The following MEST variants were observed in gnomAD, a reference collection of about 807,000 sequenced individuals.
MEST encodes mesoderm-specific transcript homolog protein.
In MEST, 18 loss-of-function variants were observed where a neutral mutation model predicts 50.9. The ratio of observed to expected loss-of-function variants is 0.35; its 90% confidence interval spans 0.24 to 0.52. MEST has a LOEUF of 0.52. MEST is among the 20% of genes least tolerant of loss of function. The probability of loss-of-function intolerance (pLI) is 0.94; values close to 1 mark genes in which losing one functional copy is unlikely to be tolerated. For missense variants in MEST, 282 were observed against 425.3 expected, an observed-to-expected ratio of 0.66 and a Z score of 2.96; for synonymous variants, 130 against 154.1, an observed-to-expected ratio of 0.84 and a Z score of 1.16.
At chr7:130,502,258 A>G (rs993791527) in intron 9 of MEST, among the ~76,000 whole-genome samples, 5 of 152,152 alleles carry the variant, frequency 3.3e-5, no homozygotes, top group Non-Finnish European at 7.4e-5. Flanking sequence ...CAAATGAGGA[A>G]ACCGAGTTGA....
At position 130,492,165 on chromosome 7, in the gene MEST, G is replaced by A. The variant is rs1308241378; in HGVS notation, c.-149G>A. ...GCGCAGTGCCGCAGCGCACGCCGGA[G>A]TGGCTGTAGCTGCCCGGCGCGGCGC... On this transcript the variant is annotated 5_prime_UTR_variant, in exon 1 of 12. It adds an upstream start codon to the 5' untranslated region. Transcript: ENST00000223215. The surrounding 1 kb of genome is among the most constrained non-coding windows in gnomAD (Gnocchi z 7.6). 2.2e-6 allele frequency: 1 copy of A among 444,972 alleles called. No individual in the cohort carries two copies. Among genetic ancestry groups the A allele is most frequent in the African/African-American group, 2.1e-5 (1 of 47,796 alleles). 27.6% of individuals were successfully genotyped at this position (444,972 alleles called of 1,614,324 possible).
At chr7:130,487,838 G>C (rs963281997), upstream of MEST, 3 of 152,264 alleles carry the variant, frequency 2.0e-5, no homozygotes, top group African/African-American at 7.2e-5. Flanking sequence ...GTAGAGACGG[G>C]GTTTCACCAT....
rs782711643 is a variant in MEST, at chr7:130,497,144, C to G, written c.182-12C>G. On this transcript the variant is annotated splice_polypyrimidine_tract_variant and intron_variant, in intron 2 of 11. Coordinates refer to ENST00000223215, the MANE Select transcript of MEST (RefSeq NM_002402.4). This position sits in a 1 kb window ranked among gnomAD's most constrained non-coding sequence, Gnocchi z 4.0. The stretch of plus-strand genomic sequence containing the variant: ...GATTTGGCATAATTGATTGTACTTT[C>G]CTTCTTCCTAGACTCTGTGGGTGTG... The G allele has an allele frequency of 6.2e-7, 1 of 1,604,802 alleles. No individual in the cohort carries two copies. The highest frequency in any genetic ancestry group is 8.5e-7 in the Non-Finnish European group (1 of 1,175,316).
chr7:130,502,589 C>T, intron 9 of MEST, 55 bp from the exon 10 acceptor site: 2 of 1,350,008 alleles, frequency 1.5e-6, no homozygotes, highest in East Asian at 2.3e-5. Flanking sequence ...GCCCTTGAAT[C>T]CCTGTAACAG....
At chr7:130,488,417 C>T (rs922792791), upstream of MEST, 1 of 152,252 alleles carries the variant, frequency 6.6e-6, no homozygotes, top group Non-Finnish European at 1.5e-5. Flanking sequence ...ACTGCTAACA[C>T]ATTTCCTTCT....
chr7:130,500,528 C>A lies in MEST; in HGVS notation c.643C>A (p.Arg215=), dbSNP rs371666478. Residue 215 remains arginine, a synonymous_variant, in exon 8 of 12, where the codon CGA becomes AGA. Coordinates refer to ENST00000223215, the MANE Select transcript of MEST (RefSeq NM_002402.4). This position sits in a 1 kb window ranked among gnomAD's most constrained non-coding sequence, Gnocchi z 5.0. The part of the protein sequence containing the change: ...TRLMNFFVFS[R]GLTPVFGPYT... ...ACTGATGAACTTCTTTGTATTCTCT[C>A]GAGGGTAAGTGTCACTGTCAAAGAT... 7.9e-5 allele frequency: 127 copies of A among 1,612,766 alleles called. No individual in the cohort carries two copies. The highest frequency in any genetic ancestry group is 3.5e-5 in the Non-Finnish European group (41 of 1,179,422).
Position 130,497,216 on chromosome 7 carries a change from C to A in MEST, c.242C>A (p.Ser81Tyr). ...GTGCTTTTACACGGTTTTCCAACAT[C>A]CAGCTACGACTGGTACAAGGTAATG... ...IVVLLHGFPTSSYDWYKIWEG... is the reference protein window; with the variant it reads ...IVVLLHGFPTYSYDWYKIWEG... The change falls in exon 3 of 12, where the codon TCC becomes TAC. Residue 81 changes from serine to tyrosine, a missense_variant. By Grantham distance (144) the Ser-to-Tyr change is moderately radical. Coordinates refer to ENST00000223215, the MANE Select transcript of MEST (RefSeq NM_002402.4). This position sits in a 1 kb window ranked among gnomAD's most constrained non-coding sequence, Gnocchi z 4.0. 6.2e-7 allele frequency: 1 copy of A among 1,613,052 alleles called. No homozygotes were observed. Among genetic ancestry groups the A allele is most frequent in the Non-Finnish European group, 8.5e-7 (1 of 1,179,512 alleles).
rs1554437491 is a variant in MEST, at chr7:130,497,965, T to A, written c.291T>A (p.His97Gln). 1 of 1,614,254 alleles carries A rather than the reference T, an allele frequency of 6.2e-7. No individual in the cohort carries two copies. The highest frequency in any genetic ancestry group is 1.7e-5 in the Admixed American group (1 of 60,030). ...GGGAAGGTCTGACCTTGAGGTTTCA[T>A]CGGGTGATTGCCCTTGATTTCTTAG... ...KIWEGLTLRF[H>Q]RVIALDFLGF... Residue 97 changes from histidine (H) to glutamine (Q), a missense_variant, in exon 4 of 12, where the codon CAT (histidine) becomes CAA (glutamine). His to Gln is a conservative substitution (Grantham distance 24, BLOSUM62 0). Coordinates refer to ENST00000223215, the MANE Select transcript of MEST (RefSeq NM_002402.4). This position sits in a 1 kb window ranked among gnomAD's most constrained non-coding sequence, Gnocchi z 4.0.
intron 6 of MEST, 66 bp from the exon 7 acceptor site, chr7:130,499,809 C>T: frequency 7.4e-7 from 1 of 1,356,696 alleles, no homozygotes; most frequent in Non-Finnish European, 1.0e-6. Context: ...CCAGTGAGAT[C>T]CCGTCTCTAT....
chr7:130,498,575 A>G, intron 6 of MEST, 98 bp downstream of exon 6: 1 of 1,135,952 alleles, frequency 8.8e-7, no homozygotes, highest in Non-Finnish European at 1.3e-6. Context: ...TATTTCAAGT[A>G]GACATAATTA....
intron 10 of MEST, 107 bp downstream of exon 10, chr7:130,502,827 A>C: frequency 1.4e-6 from 1 of 737,232 alleles, no homozygotes; most frequent in Non-Finnish European, 2.2e-6. Context: ...TAAAAATATA[A>C]GATACCCAGT....
At position 130,497,851 on chromosome 7, in the gene MEST, A is replaced by G. The variant is rs2072574; in HGVS notation, c.262-85A>G. On this transcript the variant is annotated intron_variant, in intron 3 of 11. Transcript: ENST00000223215. The surrounding 1 kb of genome is among the most constrained non-coding windows in gnomAD (Gnocchi z 4.0). ...TTATGGAAGTCTGTTAAGCCAAGAT[A>G]GGGCTGAAGCTCCTGTGCAACTGTA... 0.52 allele frequency: 627,898 copies of G among 1,209,510 alleles called. 170,735 individuals carry two copies. The highest frequency in any genetic ancestry group is 0.61 in the East Asian group (26,098 of 42,920). The allele number at this position is 1,209,510 out of a possible 1,614,324, so 74.9% of individuals were successfully genotyped here. A position where few individuals can be genotyped will look rare whatever the true frequency, so the allele number is the denominator to read the frequency against.
intron 1 of MEST, chr7:130,494,961 TAAGA>T (rs1478962053): frequency 4.6e-6 from 2 of 433,044 alleles, no homozygotes; most frequent in African/African-American, 2.1e-5. Flanking sequence ...TTGGAGTAAA[TAAGA>T]AAGAAGTTAT....
chr7:130,503,148 A>G (rs1195064721), intron 10 of MEST, among the ~76,000 whole-genome samples: 1 of 152,246 alleles, frequency 6.6e-6, no homozygotes, highest in Non-Finnish European at 1.5e-5. Flanking sequence ...TGTTTGGATT[A>G]CTAATCAAGA....
chr7:130,500,091 C>T lies in MEST; in HGVS notation c.576+176C>T. 1 of 598,890 alleles carries T rather than the reference C, an allele frequency of 1.7e-6. No individual in the cohort carries two copies. Among genetic ancestry groups the T allele is most frequent in the Non-Finnish European group, 2.9e-6 (1 of 349,512 alleles). 37.1% of individuals were successfully genotyped at this position (598,890 alleles called of 1,614,324 possible). On this transcript the variant is annotated intron_variant, in intron 7 of 11. Transcript: ENST00000223215. The surrounding 1 kb of genome is among the most constrained non-coding windows in gnomAD (Gnocchi z 5.0). ...TAGGCAACTAAAGCAGAGGCAGTGG[C>T]CCCTACGTAAACCCAAAACCAATCC...
At position 130,500,181 on chromosome 7, in the gene MEST, T is replaced by C. The variant is rs1170588805; in HGVS notation, c.576+266T>C. The C allele has an allele frequency of 2.0e-5, 11 of 556,726 alleles. No individual in the cohort carries two copies. In the East Asian group the frequency reaches 3.2e-4, roughly 16 times the overall value. The allele number at this position is 556,726 out of a possible 1,614,324, so 34.5% of individuals were successfully genotyped here. On this transcript the variant is annotated intron_variant, in intron 7 of 11. Coordinates refer to ENST00000223215, the MANE Select transcript of MEST (RefSeq NM_002402.4). The surrounding 1 kb of genome is among the most constrained non-coding windows in gnomAD (Gnocchi z 5.0). ...CTATGGAAAGATCTGTGTCACAAGC[T>C]TGATGTTTGAACAAATTAGGATCCT...
rs1799476867 is a variant in MEST, at chr7:130,506,286, G to GACAAAAGTGGACTCTGGCTTCCCC, written c.*1231_*1254dup. ...TTTTCTATTAATAAAAATGAATTGT[G>GACAAAAGTGGACTCTGGCTTCCCC]ACAAAAGTGGACTCTGGCTTCCCCT... On this transcript the variant is annotated 3_prime_UTR_variant, in exon 12 of 12. Transcript: ENST00000223215. 6.6e-6 allele frequency: 1 copy of GACAAAAGTGGACTCTGGCTTCCCC among 151,736 alleles called. No homozygotes were observed. Among genetic ancestry groups the GACAAAAGTGGACTCTGGCTTCCCC allele is most frequent in the African/African-American group, 2.4e-5 (1 of 41,302 alleles). The allele number at this position is 151,736 out of a possible 1,614,324, so 9.4% of individuals were successfully genotyped here. A position where few individuals can be genotyped will look rare whatever the true frequency, so the allele number is the denominator to read the frequency against.
In MEST at chr7:130,503,952, A is replaced by G; in HGVS notation, c.846A>G (p.Pro282=). The change falls in exon 11 of 12, where the codon CCA becomes CCG. Residue 282 remains proline (P), a synonymous_variant. Coordinates refer to ENST00000223215, the MANE Select transcript of MEST (RefSeq NM_002402.4). ...VTIPIHFIYG[P]LDPVNPYPEF... Reference sequence around the variant, plus strand: ...TTCTAGTTCATTTTATCTATGGGCCATTGGATCCTGTAAATCCCTATCCAG... The same window carrying G: ...TTCTAGTTCATTTTATCTATGGGCCGTTGGATCCTGTAAATCCCTATCCAG... 6.2e-7 allele frequency: 1 copy of G among 1,613,250 alleles called. No homozygotes were observed. The highest frequency in any genetic ancestry group is 8.5e-7 in the Non-Finnish European group (1 of 1,179,302).
intron 1 of MEST, among the ~76,000 whole-genome samples, chr7:130,494,022 G>A (rs189842824): frequency 5.3e-5 from 8 of 152,176 alleles, no homozygotes; most frequent in Middle Eastern, 6.8e-3. Context: ...AGGTACTTTG[G>A]AGAAAAAAAG....
Sources: allele counts gnomAD v4.1 joint callset (sites outside exome capture counted in the v4.1 genomes callset), GRCh38; gene constraint gnomAD v4.1.1; non-coding constraint Gnocchi (gnomAD v3.1); transcripts MANE v1.5; gene names NCBI Gene and HGNC (gene_info 2026-07-23, HGNC 2026-07-21).